Variants in CCNT1 observed in about 807,000 individuals in gnomAD.
CCNT1 encodes cyclin-T1.
In CCNT1, 18 loss-of-function variants were observed where a neutral mutation model predicts 67.3. The observed-to-expected ratio is 0.27, with a 90% CI of 0.18 to 0.40. The LOEUF is 0.40. Among genes scored for constraint, CCNT1 ranks in the 10% least tolerant of loss-of-function variants. The pLI, the probability that CCNT1 is intolerant of heterozygous loss-of-function variation, is 1.00. For missense variants in CCNT1, 744 were observed against 884.9 expected (o/e 0.84, Z 2.02); for synonymous variants, 333 against 310.3 (o/e 1.07, Z -0.77).
intron 2 of CCNT1, among the ~76,000 whole-genome samples, chr12:48,712,027 C>T (rs1295691066): frequency 6.6e-6 from 1 of 152,094 alleles, no homozygotes; most frequent in East Asian, 1.9e-4. Flanking sequence ...ATCTGCTGAC[C>T]TCGTGATCCG....
At position 48,693,712 on chromosome 12, in the gene CCNT1, G is replaced by C; in HGVS notation, c.1502C>G (p.Thr501Arg). The C allele has an allele frequency of 1.9e-6, 3 of 1,614,112 alleles. No homozygotes were observed. Among genetic ancestry groups the C allele is most frequent in the Non-Finnish European group, 2.5e-6 (3 of 1,180,026 alleles). ...DKHNSVEDSV[T>R]KSREHKEKHK... The stretch of plus-strand genomic sequence containing the variant: ...CTTTTCTTTGTGCTCTCGGCTCTTT[G>C]TAACACTGTCCTCTACAGAATTGTG... Residue 501 changes from threonine to arginine, a missense_variant, in exon 9 of 9, where the codon ACA (threonine) becomes AGA (arginine). Thr to Arg is a moderately conservative substitution (Grantham distance 71). Coordinates refer to ENST00000261900, the MANE Select transcript of CCNT1 (RefSeq NM_001240.4).
chr12:48,710,605 G>A (rs1170153103), intron 2 of CCNT1, among the ~76,000 whole-genome samples: 1 of 152,102 alleles, frequency 6.6e-6, no homozygotes. Flanking sequence ...AACAGAGCGA[G>A]ATCTCCCGTC....
At chr12:48,696,239 TAAAAAAAAAA>T (rs71080140) in intron 6 of CCNT1, 77 bp from the exon 7 acceptor site, 35 of 72,026 alleles carry the variant, frequency 4.9e-4, no homozygotes, top group Middle Eastern at 6.4e-3. Flanking sequence ...CTCCATTATT[TAAAAAAAAAA>T]AAAAAAAAAA....
At chr12:48,699,537 A>G (rs1291963163) in intron 5 of CCNT1, among the ~76,000 whole-genome samples, 1 of 152,220 alleles carries the variant, frequency 6.6e-6, no homozygotes, top group Non-Finnish European at 1.5e-5. Flanking sequence ...TAACTTCACA[A>G]ACTGCCCAAC....
rs776880201 is a variant in CCNT1 at position 48,693,606 on chromosome 12, A to C, written c.1608T>G (p.Gly536=). Residue 536 remains glycine (G), a synonymous_variant, in exon 9 of 9, where the codon GGT becomes GGG. Coordinates refer to ENST00000261900, the MANE Select transcript of CCNT1 (RefSeq NM_001240.4). ...HKHSHSQLPV[G]TGNKRPGDPK... is the part of the protein sequence containing the mutation. ...GATCACCAGGACGTTTGTTCCCAGT[A>C]CCAACTGGAAGTTGGGAATGAGAGT... The C allele has an allele frequency of 3.7e-5, 60 of 1,614,018 alleles. No homozygotes were observed. The highest frequency in any genetic ancestry group is 4.4e-5 in the Non-Finnish European group (52 of 1,179,998).
intron 6 of CCNT1, among the ~76,000 whole-genome samples, chr12:48,697,430 G>A (rs1009392251): frequency 9.3e-5 from 14 of 151,056 alleles, no homozygotes; most frequent in African/African-American, 2.7e-4. Context: ...GGCTGAGGCC[G>A]GAGAATCACT....
Position 48,693,904 on chromosome 12 carries a change from A to G in CCNT1, c.1310T>C (p.Leu437Pro), listed in dbSNP as rs2076288580. The change falls in exon 9 of 9, where the codon CTA becomes CCA. Residue 437 changes from leucine (L) to proline (P), a missense_variant. By Grantham distance (98) the Leu-to-Pro change is moderately conservative (BLOSUM62 -3). Around this residue, in one of 3 missense-constraint regions of CCNT1, gnomAD observed 564 missense variants for 574.2 expected, o/e 0.98. Coordinates refer to ENST00000261900, the MANE Select transcript of CCNT1 (RefSeq NM_001240.4). ...SHHDSHSSVI[L>P]KMPIEGSENP... ...TTCTGAACCCTCTATGGGCATTTTT[A>G]GAATGACTGAAGAATGGCTATCATG... is the stretch of plus-strand genomic sequence containing the variant. 6.2e-7 allele frequency: 1 copy of G among 1,614,022 alleles called. No homozygotes were observed. Among genetic ancestry groups the G allele is most frequent in the Non-Finnish European group, 8.5e-7 (1 of 1,180,048 alleles).
intron 3 of CCNT1, among the ~76,000 whole-genome samples, chr12:48,703,195 AC>A (rs1400799399): frequency 6.6e-6 from 1 of 152,042 alleles, no homozygotes; most frequent in Admixed American, 6.6e-5. Context: ...CGGGCGGATC[AC>A]AAGGTCAAGA....
intron 2 of CCNT1, among the ~76,000 whole-genome samples, chr12:48,708,504 G>A (rs10747554): frequency 0.52 from 78,134 of 151,308 alleles, 21,378 homozygotes; most frequent in East Asian, 0.77. Flanking sequence ...CCAAGATCAC[G>A]CCATTGCACT....
Position 48,693,074 on chromosome 12 carries a change from G to T in CCNT1, c.2140C>A (p.Pro714Thr). 6.2e-7 allele frequency: 1 copy of T among 1,613,086 alleles called. No individual in the cohort carries two copies. Among genetic ancestry groups the T allele is most frequent in the Non-Finnish European group, 8.5e-7 (1 of 1,179,226 alleles). Residue 714 changes from proline (P) to threonine (T), a missense_variant, in exon 9 of 9, where the codon CCA becomes ACA. Pro to Thr is a conservative substitution (Grantham distance 38). This residue lies in a region of CCNT1 where 564 missense variants were observed against 574.2 expected (regional missense o/e 0.98). Coordinates refer to ENST00000261900, the MANE Select transcript of CCNT1 (RefSeq NM_001240.4). ...GGAAGTGGTGGAGGAGGTTCTGATGGCAGAGGTGGTGGCCGGGGTTTGTCT... is the reference window on the plus strand; with the variant it reads ...GGAAGTGGTGGAGGAGGTTCTGATGTCAGAGGTGGTGGCCGGGGTTTGTCT... ...NTDKPRPPPLPSEPPPPLPPL... is the reference protein window; with the variant it reads ...NTDKPRPPPLTSEPPPPLPPL...
In CCNT1 at chr12:48,713,919, G is replaced by A. The variant is rs143159794; in HGVS notation, c.243+524C>T. On this transcript the variant is annotated intron_variant, in intron 2 of 8. Transcript: ENST00000261900. The stretch of plus-strand genomic sequence containing the variant: ...TTTTTTGGGGTTTTTTTTGAAGACA[G>A]GGTCTCACTCTGATGCCCAGGCTGG... 3.3e-5 allele frequency among the ~76,000 whole-genome samples: 5 copies of A among 152,152 alleles called. No individual in the cohort carries two copies. The East Asian group carries it at 9.6e-4, about 29-fold the overall frequency.
At chr12:48,713,827 A>G (rs1039763482) in intron 2 of CCNT1, among the ~76,000 whole-genome samples, 1 of 152,106 alleles carries the variant, frequency 6.6e-6, no homozygotes, top group East Asian at 1.9e-4. Flanking sequence ...CCTAAATTCC[A>G]CATGATTTCC....
chr12:48,704,075 A>C (rs570087005), intron 3 of CCNT1, among the ~76,000 whole-genome samples: 15 of 152,354 alleles, frequency 9.8e-5, no homozygotes, highest in African/African-American at 3.6e-4. Flanking sequence ...AAAAGTAGAG[A>C]ATCCATCAGA....
At chr12:48,704,645 C>G (rs1285563149) in intron 3 of CCNT1, among the ~76,000 whole-genome samples, 1 of 152,140 alleles carries the variant, frequency 6.6e-6, no homozygotes, top group Non-Finnish European at 1.5e-5. Context: ...CCTGTCTCTG[C>G]TAAAAATACA....
chr12:48,699,187 C>T (rs1160871699), intron 5 of CCNT1, among the ~76,000 whole-genome samples: 1 of 151,944 alleles, frequency 6.6e-6, no homozygotes, highest in East Asian at 1.9e-4. Flanking sequence ...TTAATACTTT[C>T]AAATATAAAG....
chr12:48,700,524 A>AT (rs1940249263), intron 4 of CCNT1, among the ~76,000 whole-genome samples: 2 of 152,108 alleles, frequency 1.3e-5, no homozygotes, highest in Non-Finnish European at 2.9e-5. Flanking sequence ...GTATTTTCAT[A>AT]TTTTCTAAAC....
At chr12:48,706,841 T>C (rs978027843) in intron 2 of CCNT1, among the ~76,000 whole-genome samples, 1 of 152,156 alleles carries the variant, frequency 6.6e-6, no homozygotes, top group African/African-American at 2.4e-5. Flanking sequence ...TAGAGTAAGT[T>C]TTTCTCCACA....
intron 3 of CCNT1, among the ~76,000 whole-genome samples, chr12:48,703,851 G>A (rs545692458): frequency 2.8e-4 from 42 of 151,810 alleles, no homozygotes; most frequent in African/African-American, 7.5e-4. Flanking sequence ...CACTGAGCCC[G>A]GAAGGTCAAG....
intron 7 of CCNT1, 37 bp downstream of exon 7, chr12:48,695,962 G>C: frequency 1.9e-6 from 3 of 1,609,992 alleles, no homozygotes; most frequent in Non-Finnish European, 2.5e-6. Context: ...CAGATCAACA[G>C]CAAGTGCTTT....
Sources: gnomAD v4.1 joint callset for allele counts (sites outside exome capture counted in the v4.1 genomes callset) on GRCh38, gnomAD v4.1.1 for gene constraint, gnomAD v4.1.1 regional missense constraint, MANE v1.5 for transcripts, NCBI Gene and HGNC (gene_info 2026-07-23, HGNC 2026-07-21) for gene names.